FAM81A: variants seen among roughly 807,000 people sequenced by gnomAD.
The protein encoded by FAM81A is protein FAM81A.
Under a neutral mutation model 46.7 loss-of-function variants are expected in FAM81A, and 19 were observed. The observed-to-expected ratio is 0.41, with a 90% CI of 0.28 to 0.60. FAM81A has a LOEUF of 0.60. Among genes scored for constraint, FAM81A ranks in the 20% least tolerant of loss-of-function variants. The pLI, the probability that FAM81A is intolerant of heterozygous loss-of-function variation, is 0.34. For synonymous variants in FAM81A, 183 were observed against 152.9 expected (o/e 1.20, Z -1.45); for missense variants, 377 against 453.5 (o/e 0.83, Z 1.53).
intron 6 of FAM81A, among the ~76,000 whole-genome samples, chr15:59,510,777 CAAAAAAAAAAAAAAA>C (rs71119479): frequency 1.6e-4 from 4 of 25,774 alleles, no homozygotes; most frequent in Non-Finnish European, 1.9e-4. Flanking sequence ...GACCCTGTCT[CAAAAAAAAAAAAAAA>C]AAAAAAAAAA....
chr15:59,438,914 A>C (rs2081266171), intron 1 of FAM81A: 1 of 152,236 alleles, frequency 6.6e-6, no homozygotes, highest in Non-Finnish European at 1.5e-5. Flanking sequence ...CTTAAGATGC[A>C]CAGGTTAAAA....
At chr15:59,400,788 A>T (rs946266463) in intron 1 of FAM81A, among the ~76,000 whole-genome samples, 1 of 152,112 alleles carries the variant, frequency 6.6e-6, no homozygotes, top group Middle Eastern at 3.2e-3. Flanking sequence ...GGGAAGTCTA[A>T]ACTCCCAGTC....
intron 1 of FAM81A, among the ~76,000 whole-genome samples, chr15:59,444,664 T>C (rs558115858): frequency 6.6e-6 from 1 of 152,278 alleles, no homozygotes; most frequent in Non-Finnish European, 1.5e-5. Flanking sequence ...CTCCCCACTC[T>C]ACTCACTGTT....
intron 3 of FAM81A, among the ~76,000 whole-genome samples, chr15:59,472,624 C>T (rs1432719032): frequency 6.6e-6 from 1 of 151,446 alleles, no homozygotes. Flanking sequence ...GATCATAGCT[C>T]ACTGTAGCCT....
intron 6 of FAM81A, among the ~76,000 whole-genome samples, chr15:59,510,002 G>C (rs184292517): frequency 8.5e-5 from 13 of 152,244 alleles, no homozygotes; most frequent in Admixed American, 4.6e-4. Context: ...GAATAGAGGA[G>C]AAGCAGTATC....
At chr15:59,398,846 A>G (rs1325199176) in intron 1 of FAM81A, among the ~76,000 whole-genome samples, 1 of 147,968 alleles carries the variant, frequency 6.8e-6, no homozygotes, top group Non-Finnish European at 1.5e-5. Context: ...GGTGTGGTCT[A>G]TGTCTTCCTA....
At chr15:59,422,259 A>G (rs1445703794) in intron 2 of FAM81A, among the ~76,000 whole-genome samples, 2 of 152,018 alleles carry the variant, frequency 1.3e-5, no homozygotes, top group Non-Finnish European at 2.9e-5. Flanking sequence ...ATGGTGACAC[A>G]TGCTTGTAGT....
At chr15:59,419,866 A>C (rs562980306) in intron 2 of FAM81A, among the ~76,000 whole-genome samples, 2 of 152,234 alleles carry the variant, frequency 1.3e-5, no homozygotes, top group Non-Finnish European at 2.9e-5. Flanking sequence ...CAACAGAGCG[A>C]GACTCCATCT....
chr15:59,513,375 G>A (rs2082233513), intron 6 of FAM81A, among the ~76,000 whole-genome samples: 1 of 152,166 alleles, frequency 6.6e-6, no homozygotes, highest in South Asian at 2.1e-4. Context: ...GAGGAGATGA[G>A]AGACACTGTG....
rs185877325 is a variant in FAM81A at position 59,402,660 on chromosome 15, C to A, written c.-78+302C>A. The stretch of plus-strand genomic sequence containing the variant: ...GGTTCAAGCGTTTCTCCTGCCTCAG[C>A]CTCCCAAGTAGCTGGGATTACAAGC... On this transcript the variant is annotated intron_variant, in intron 2 of 4. Transcript: ENST00000558348. Among the ~76,000 whole-genome samples the A allele has an allele frequency of 2.2e-3, 328 of 151,368 alleles. 2 individuals carry two copies. The highest frequency in any genetic ancestry group is 0.014 in the Middle Eastern group (4 of 294).
At chr15:59,426,621 C>CCAAA (rs373899633) in intron 2 of FAM81A, among the ~76,000 whole-genome samples, 1 of 152,010 alleles carries the variant, frequency 6.6e-6, no homozygotes, top group Non-Finnish European at 1.5e-5. Flanking sequence ...TCAAAAACAC[C>CCAAA]CAAACAAACA....
chr15:59,502,496 TG>T, intron 4 of FAM81A, among the ~76,000 whole-genome samples: 1 of 149,502 alleles, frequency 6.7e-6, no homozygotes, highest in East Asian at 2.0e-4. Context: ...TGTGTGTGTG[TG>T]TGTGTGTGTG....
chr15:59,507,198 T>C lies in FAM81A; in HGVS notation c.414-15T>C, dbSNP rs1223401597. 2.5e-6 allele frequency: 4 copies of C among 1,605,750 alleles called. No homozygotes were observed. The South Asian group carries it at 4.5e-5, about 18-fold the overall frequency. ...AAACTTTAATAAGAATCAGCTTTGT[T>C]CTTTGTCTGGACAGATGTGATGCCA... On this transcript the variant is annotated splice_polypyrimidine_tract_variant and intron_variant, in intron 4 of 8. Coordinates refer to ENST00000288228, the MANE Select transcript of FAM81A (RefSeq NM_152450.3).
intron 6 of FAM81A, among the ~76,000 whole-genome samples, chr15:59,513,301 G>A (rs79038506): frequency 0.086 from 13,125 of 152,192 alleles, 744 homozygotes; most frequent in Non-Finnish European, 0.13. Context: ...AGGGAGCCAG[G>A]TTCTAGTCCC....
upstream of FAM81A, among the ~76,000 whole-genome samples, chr15:59,434,737 C>T (rs771564896): frequency 2.0e-5 from 3 of 152,204 alleles, no homozygotes; most frequent in Admixed American, 6.5e-5. Flanking sequence ...CAATGGATCT[C>T]GACAAACCAC....
At chr15:59,511,394 G>C (rs1461020609) in intron 6 of FAM81A, among the ~76,000 whole-genome samples, 2 of 152,130 alleles carry the variant, frequency 1.3e-5, no homozygotes, top group Non-Finnish European at 2.9e-5. Context: ...CATTCTAAAA[G>C]AATAAAATTG....
At chr15:59,471,471 C>T (rs1567058263) in intron 3 of FAM81A, among the ~76,000 whole-genome samples, 1 of 151,626 alleles carries the variant, frequency 6.6e-6, no homozygotes, top group South Asian at 2.1e-4. Context: ...AATTCATGTT[C>T]TTTTTTTTCT....
chr15:59,493,279 C>T (rs1456511473), intron 4 of FAM81A, among the ~76,000 whole-genome samples: 3 of 152,156 alleles, frequency 2.0e-5, no homozygotes, highest in African/African-American at 7.2e-5. Context: ...GCCTTGAATG[C>T]TGGACATGTG....
At chr15:59,454,738 ACCTTAGC>A (rs2081461775) in intron 1 of FAM81A, among the ~76,000 whole-genome samples, 1 of 151,740 alleles carries the variant, frequency 6.6e-6, no homozygotes, top group African/African-American at 2.4e-5. Flanking sequence ...TGATTTTCCC[ACCTTAGC>A]CTCCCGGGTA....
Sources: allele counts gnomAD v4.1 joint callset (sites outside exome capture counted in the v4.1 genomes callset), GRCh38; gene constraint gnomAD v4.1.1; transcripts MANE v1.5; gene names NCBI Gene and HGNC (gene_info 2026-07-23, HGNC 2026-07-21).